The following NCAM1 variants were observed in gnomAD, a reference collection of about 807,000 sequenced individuals.
The protein encoded by NCAM1 is neural cell adhesion molecule 1.
NCAM1 carries 14 observed loss-of-function variants against 109.8 expected under a neutral mutation model. The ratio of observed to expected loss-of-function variants is 0.13; its 90% CI spans 0.08 to 0.20. NCAM1 has a LOEUF of 0.20. NCAM1 is among the 10% of genes least tolerant of loss of function. The probability of loss-of-function intolerance (pLI) is 1.00; values close to 1 mark genes in which losing one functional copy is unlikely to be tolerated. For missense variants in NCAM1, 774 were observed against 1,109.9 expected, an observed-to-expected ratio of 0.70 and a Z score of 4.30; for synonymous variants, 418 against 442.9, an observed-to-expected ratio of 0.94 and a Z score of 0.70.
intron 1 of NCAM1, among the ~76,000 whole-genome samples, chr11:113,081,748 G>A (rs569087618): frequency 2.0e-5 from 3 of 152,190 alleles, no homozygotes; most frequent in East Asian, 1.9e-4. Context: ...TGGCCAGGCT[G>A]GTCTGGAACT....
intron 1 of NCAM1, among the ~76,000 whole-genome samples, chr11:113,056,194 T>A (rs923614206): frequency 1.3e-5 from 2 of 151,074 alleles, no homozygotes; most frequent in Non-Finnish European, 3.0e-5. Flanking sequence ...AAAAAGTGGA[T>A]CTCATGGAGG....
chr11:113,076,846 T>C (rs1285624133), intron 1 of NCAM1, among the ~76,000 whole-genome samples: 1 of 152,232 alleles, frequency 6.6e-6, no homozygotes, highest in African/African-American at 2.4e-5. Flanking sequence ...CTCTTGATTA[T>C]GTACCTAGGG....
rs1161396004 is a variant in NCAM1 at position 113,278,426 on chromosome 11, G to GA, written c.*3045dup. The stretch of plus-strand genomic sequence containing the variant: ...TACTTGTGTTCAATAAAAATTGAAA[G>GA]AAAAAAGCTATTATGATCATACTGG... On this transcript the variant is annotated 3_prime_UTR_variant, in exon 20 of 20. Transcript: ENST00000316851. 1.3e-5 allele frequency: 2 copies of GA among 152,146 alleles called. No individual in the cohort carries two copies. Among genetic ancestry groups the GA allele is most frequent in the African/African-American group, 4.8e-5 (2 of 41,432 alleles). 9.4% of individuals were successfully genotyped at this position (152,146 alleles called of 1,614,324 possible).
intron 1 of NCAM1, among the ~76,000 whole-genome samples, chr11:113,070,661 A>G (rs1222865003): frequency 6.6e-6 from 1 of 152,194 alleles, no homozygotes; most frequent in Admixed American, 6.5e-5. Context: ...TGGAGGAATC[A>G]TAAAAAGGAT....
chr11:113,239,002 C>A (rs1945251715), intron 14 of NCAM1, among the ~76,000 whole-genome samples: 2 of 152,198 alleles, frequency 1.3e-5, no homozygotes. Context: ...GGGTTGCTTT[C>A]TTGGTTCTTT....
At chr11:113,020,014 A>G (rs782413573) in intron 1 of NCAM1, among the ~76,000 whole-genome samples, 2 of 152,178 alleles carry the variant, frequency 1.3e-5, no homozygotes, top group Non-Finnish European at 2.9e-5. Context: ...TGTGATTATA[A>G]AGAGGTCATT....
chr11:112,974,002 A>G (rs187584805), intron 1 of NCAM1, among the ~76,000 whole-genome samples: 18 of 152,240 alleles, frequency 1.2e-4, no homozygotes, highest in African/African-American at 4.1e-4. Context: ...TAGGGTTAAT[A>G]TCAAATCTGT....
chr11:112,969,521 T>A (rs1591198304), intron 1 of NCAM1, among the ~76,000 whole-genome samples: 1 of 152,080 alleles, frequency 6.6e-6, no homozygotes, highest in South Asian at 2.1e-4. Flanking sequence ...AGAGCTGTGG[T>A]CTGAAGGAAC....
chr11:113,127,025 G>A (rs797037645), intron 1 of NCAM1, among the ~76,000 whole-genome samples: 3 of 152,308 alleles, frequency 2.0e-5, no homozygotes, highest in African/African-American at 7.2e-5. Context: ...TACCACAGTG[G>A]CAGCCTATAT....
intron 1 of NCAM1, chr11:113,041,244 G>A (rs1953062744): frequency 2.0e-5 from 3 of 152,126 alleles, no homozygotes; most frequent in Admixed American, 2.0e-4. Context: ...ATATAAGACA[G>A]ACATAAACCC....
chr11:112,984,398 G>A (rs1208739459), intron 1 of NCAM1, among the ~76,000 whole-genome samples: 1 of 151,802 alleles, frequency 6.6e-6, no homozygotes, highest in East Asian at 1.9e-4. Flanking sequence ...TTTCCTTTGG[G>A]TACATATCCA....
At chr11:113,143,861 C>T (rs1011822510) in intron 1 of NCAM1, among the ~76,000 whole-genome samples, 7 of 152,202 alleles carry the variant, frequency 4.6e-5, no homozygotes, top group African/African-American at 1.4e-4. Context: ...GTATTCGTTG[C>T]GCTGTGGAAG....
rs371432746 is a variant in NCAM1, at chr11:113,004,739, A to G, written c.52+43075A>G. 1.1e-4 allele frequency among the ~76,000 whole-genome samples: 17 copies of G among 151,350 alleles called. No homozygotes were observed. The South Asian group carries it at 3.6e-3, about 32-fold the overall frequency. On this transcript the variant is annotated intron_variant, in intron 1 of 19. Coordinates refer to ENST00000316851, the MANE Select transcript of NCAM1 (RefSeq NM_181351.5). ...GGCTTGCTGTGGTCTCTTTGCCTTT[A>G]TTTTGTTAGACACTCAATGGGATTT...
chr11:113,037,624 T>C (rs549831548), intron 1 of NCAM1, among the ~76,000 whole-genome samples: 58 of 152,342 alleles, frequency 3.8e-4, no homozygotes, highest in Middle Eastern at 3.4e-3. Context: ...AGTTCTTGTC[T>C]AATGCACCCA....
chr11:113,260,937 A>T (rs1448784254), intron 17 of NCAM1, among the ~76,000 whole-genome samples: 1 of 152,212 alleles, frequency 6.6e-6, no homozygotes, highest in African/African-American at 2.4e-5. Context: ...TCTGCTAGAG[A>T]CTGTGATGGC....
At position 113,125,853 on chromosome 11, in the gene NCAM1, C is replaced by CA. The variant is rs557475716; in HGVS notation, c.53-76520dup. Among the ~76,000 whole-genome samples, 166 of 151,972 alleles carry CA rather than the reference C, an allele frequency of 1.1e-3. 1 individual carries two copies. Among genetic ancestry groups the CA allele is most frequent in the South Asian group, 8.9e-3 (43 of 4,808 alleles). On this transcript the variant is annotated intron_variant, in intron 1 of 19. Transcript: ENST00000316851. ...TTCCTACCCTTAACAACAATAACAA[C>CA]AAAAAATAATAATAAAACCTGGCTG...
intron 7 of NCAM1, among the ~76,000 whole-genome samples, chr11:113,212,853 AAC>A (rs782404475): frequency 1.2e-4 from 19 of 152,220 alleles, no homozygotes; most frequent in Admixed American, 3.3e-4. Flanking sequence ...TATTAAGGAA[AAC>A]ACAATAGGGA....
chr11:113,258,005 T>C (rs1307578485), intron 16 of NCAM1, among the ~76,000 whole-genome samples: 1 of 152,256 alleles, frequency 6.6e-6, no homozygotes, highest in Non-Finnish European at 1.5e-5. Context: ...CTTTGGCTAG[T>C]GCAAACCCTT....
At chr11:113,066,115 A>G (rs1937944113) in intron 1 of NCAM1, among the ~76,000 whole-genome samples, 1 of 152,176 alleles carries the variant, frequency 6.6e-6, no homozygotes, top group African/African-American at 2.4e-5. Flanking sequence ...TGAACATATG[A>G]ATTTATTAAA....
Sources: gnomAD v4.1 joint callset for allele counts (sites outside exome capture counted in the v4.1 genomes callset) on GRCh38, gnomAD v4.1.1 for gene constraint, MANE v1.5 for transcripts, NCBI Gene and HGNC (gene_info 2026-07-23, HGNC 2026-07-21) for gene names.